The following CNTN5 variants were observed in gnomAD, a reference collection of about 807,000 sequenced individuals.
The protein encoded by CNTN5 is contactin 5, also known as contactin-5.
A neutral mutation model predicts 129.1 loss-of-function variants in CNTN5; 77 were observed. The observed-to-expected ratio is 0.60, with a 90% CI of 0.50 to 0.72. CNTN5 has a LOEUF of 0.72. Ranked by LOEUF, CNTN5 falls within the 30% of genes least tolerant of loss-of-function variation. The pLI is 0.00. For missense variants in CNTN5, 1,478 were observed against 1,328.8 expected (o/e 1.11, Z -1.75); for synonymous variants, 509 against 465.6 (o/e 1.09, Z -1.20).
At chr11:99,491,524 A>G (rs1946036197) in intron 2 of CNTN5, among the ~76,000 whole-genome samples, 1 of 152,202 alleles carries the variant, frequency 6.6e-6, no homozygotes, top group Non-Finnish European at 1.5e-5. Flanking sequence ...CAAGGTGGAT[A>G]CTGACAGTTA....
intron 13 of CNTN5, among the ~76,000 whole-genome samples, chr11:100,110,745 A>G (rs1415353636): frequency 1.3e-5 from 2 of 152,204 alleles, no homozygotes; most frequent in Admixed American, 1.3e-4. Context: ...CACCAATTGC[A>G]TCTTTAGAAT....
At chr11:99,894,600 T>C (rs552849732) in intron 6 of CNTN5, among the ~76,000 whole-genome samples, 1 of 145,356 alleles carries the variant, frequency 6.9e-6, no homozygotes, top group African/African-American at 2.6e-5. Flanking sequence ...AAAAAAACCA[T>C]GAATTCACAG....
intron 3 of CNTN5, among the ~76,000 whole-genome samples, chr11:99,705,533 C>T (rs1954716773): frequency 6.6e-6 from 1 of 151,300 alleles, no homozygotes; most frequent in Non-Finnish European, 1.5e-5. Context: ...TATTAGAATC[C>T]TGATTCACTT....
chr11:99,241,127 G>C (rs955100901), intron 1 of CNTN5, among the ~76,000 whole-genome samples: 10 of 152,010 alleles, frequency 6.6e-5, no homozygotes, highest in African/African-American at 2.4e-4. Flanking sequence ...TTTCAGCCCA[G>C]TCTTTTAATA....
At chr11:100,260,450 C>T (rs1162095813) in intron 17 of CNTN5, among the ~76,000 whole-genome samples, 1 of 152,148 alleles carries the variant, frequency 6.6e-6, no homozygotes, top group African/African-American at 2.4e-5. Flanking sequence ...TTTTAAGAGG[C>T]CAACATCATC....
At chr11:99,419,009 T>C (rs1942777530) in intron 2 of CNTN5, among the ~76,000 whole-genome samples, 1 of 152,174 alleles carries the variant, frequency 6.6e-6, no homozygotes, top group Non-Finnish European at 1.5e-5. Context: ...TCCTCAACTA[T>C]AAAATGGGAG....
rs113613955 is a variant in CNTN5, at chr11:99,779,312, T to G, written c.56-40232T>G. Among the ~76,000 whole-genome samples the G allele has an allele frequency of 5.3e-3, 801 of 152,152 alleles. 6 individuals are homozygous for G. The highest frequency in any genetic ancestry group is 0.018 in the African/African-American group (761 of 41,562). On this transcript the variant is annotated intron_variant, in intron 3 of 24. Transcript: ENST00000524871. ...ATTTATTCATTTTCTGTAATCAGGC[T>G]GAATTCAGATATGGAAATAGAATTT...
intron 2 of CNTN5, among the ~76,000 whole-genome samples, chr11:99,435,013 C>T (rs1380148133): frequency 6.6e-6 from 1 of 151,974 alleles, no homozygotes. Context: ...ACCATTTAGT[C>T]AAAACACTTG....
In CNTN5 at chr11:99,144,328, A is replaced by G. The variant is rs531364005; in HGVS notation, c.-210+123058A>G. On this transcript the variant is annotated intron_variant, in intron 1 of 24. Coordinates refer to ENST00000524871, the MANE Select transcript of CNTN5 (RefSeq NM_014361.4). Reference sequence around the variant, plus strand: ...ATAAGAAGTGGGACTGTTTTACTAAATATCTTCAAATAGTAATTATTCTAA... The same window carrying G: ...ATAAGAAGTGGGACTGTTTTACTAAGTATCTTCAAATAGTAATTATTCTAA... 8.0e-4 allele frequency among the ~76,000 whole-genome samples: 122 copies of G among 152,334 alleles called. No homozygotes were observed. The Middle Eastern group carries it at 0.01, about 13-fold the overall frequency.
chr11:99,660,759 G>A (rs910370330), intron 3 of CNTN5, among the ~76,000 whole-genome samples: 7 of 152,092 alleles, frequency 4.6e-5, no homozygotes, highest in Admixed American at 2.0e-4. Context: ...CTATGCAGCC[G>A]CCTCAGTAGT....
At chr11:99,495,542 T>A (rs1946193650) in intron 2 of CNTN5, among the ~76,000 whole-genome samples, 1 of 152,180 alleles carries the variant, frequency 6.6e-6, no homozygotes, top group Non-Finnish European at 1.5e-5. Context: ...TGAGTAGGCC[T>A]TTCAGAGCAT....
intron 2 of CNTN5, among the ~76,000 whole-genome samples, chr11:99,493,892 AACT>A (rs1340683691): frequency 6.6e-6 from 1 of 152,198 alleles, no homozygotes. Flanking sequence ...AAAGGTAGTA[AACT>A]TCAAAAGCAA....
intron 9 of CNTN5, among the ~76,000 whole-genome samples, chr11:100,046,930 C>A (rs1942712576): frequency 6.6e-6 from 1 of 151,962 alleles, no homozygotes; most frequent in Non-Finnish European, 1.5e-5. Flanking sequence ...GAAACTGACC[C>A]AGATAGGAGA....
intron 1 of CNTN5, among the ~76,000 whole-genome samples, chr11:99,122,704 C>T (rs764734228): frequency 3.9e-5 from 6 of 152,040 alleles, no homozygotes; most frequent in Non-Finnish European, 7.4e-5. Flanking sequence ...TCACTCCTCA[C>T]GCCCTCCACC....
chr11:99,643,490 G>A (rs1951843111), intron 3 of CNTN5, among the ~76,000 whole-genome samples: 1 of 152,068 alleles, frequency 6.6e-6, no homozygotes, highest in Admixed American at 6.6e-5. Flanking sequence ...CTATAAATAA[G>A]GATGATAACT....
chr11:99,779,744 T>C (rs1191413083), intron 3 of CNTN5, among the ~76,000 whole-genome samples: 1 of 152,084 alleles, frequency 6.6e-6, no homozygotes, highest in Non-Finnish European at 1.5e-5. Flanking sequence ...CTCTGTTTAC[T>C]GCTCAAAGGA....
At chr11:99,808,742 C>T (rs911558899) in intron 3 of CNTN5, among the ~76,000 whole-genome samples, 4 of 152,118 alleles carry the variant, frequency 2.6e-5, no homozygotes, top group African/African-American at 9.7e-5. Context: ...AAGCTCGATT[C>T]AAATTTCACC....
intron 2 of CNTN5, among the ~76,000 whole-genome samples, chr11:99,363,866 T>C (rs1356751393): frequency 6.6e-6 from 1 of 152,164 alleles, no homozygotes; most frequent in Non-Finnish European, 1.5e-5. Flanking sequence ...TGCTGTGTTA[T>C]CTTGACGCTA....
At chr11:99,978,459 C>A (rs1189596295) in intron 8 of CNTN5, among the ~76,000 whole-genome samples, 1 of 152,226 alleles carries the variant, frequency 6.6e-6, no homozygotes, top group Non-Finnish European at 1.5e-5. Flanking sequence ...TCACCCAGAG[C>A]AACGTCTGGT....
Sources: allele counts gnomAD v4.1 joint callset (sites outside exome capture counted in the v4.1 genomes callset), GRCh38; gene constraint gnomAD v4.1.1; transcripts MANE v1.5; gene names NCBI Gene and HGNC (gene_info 2026-07-23, HGNC 2026-07-21).